UBE2L3: variants seen among roughly 807,000 people sequenced by gnomAD.
The protein encoded by UBE2L3 is ubiquitin-conjugating enzyme E2 L3.
Under a neutral mutation model 17.8 loss-of-function variants are expected in UBE2L3, and 1 was observed. That is an observed-to-expected ratio of 0.06 (90% CI 0.02 to 0.27). The LOEUF (loss-of-function observed/expected upper bound fraction) is 0.27. Among genes scored for constraint, UBE2L3 ranks in the 10% least tolerant of loss-of-function variants. UBE2L3 has a pLI of 1.00. For missense variants in UBE2L3, 40 were observed against 192.6 expected (o/e 0.21, Z 4.69); for synonymous variants, 44 against 68.5 (o/e 0.64, Z 1.76).
At chr22:21,568,170 G>C in intron 1 of UBE2L3, 1 of 1,004,078 alleles carries the variant, frequency 1.0e-6, no homozygotes, top group Non-Finnish European at 1.2e-6. Context: ...CGGAGCCCGC[G>C]CCGCGGAACC....
chr22:21,603,402 T>C (rs1049549052), intron 2 of UBE2L3, among the ~76,000 whole-genome samples: 8 of 151,692 alleles, frequency 5.3e-5, no homozygotes, highest in Non-Finnish European at 1.2e-4. Context: ...TTGTGGTGCA[T>C]GCCTGTAGTC....
At chr22:21,601,709 C>T (rs912670901) in intron 2 of UBE2L3, among the ~76,000 whole-genome samples, 3 of 151,722 alleles carry the variant, frequency 2.0e-5, no homozygotes, top group Non-Finnish European at 2.9e-5. Flanking sequence ...GGCTCACTCA[C>T]GCCTGTAATC....
chr22:21,561,729 T>TG (rs1246248841), intron 1 of UBE2L3, among the ~76,000 whole-genome samples: 1 of 152,168 alleles, frequency 6.6e-6, no homozygotes, highest in South Asian at 2.1e-4. Context: ...CTGGGCACAG[T>TG]GGGGGGTGTG....
intron 1 of UBE2L3, chr22:21,567,998 C>T (rs1010311793): frequency 5.2e-6 from 7 of 1,355,456 alleles, no homozygotes; most frequent in Middle Eastern, 2.8e-4. Context: ...GGCCCCTCAG[C>T]CCGGCCCGGG....
chr22:21,593,860 C>T (rs1015206258), intron 2 of UBE2L3, among the ~76,000 whole-genome samples: 2 of 152,156 alleles, frequency 1.3e-5, no homozygotes, highest in African/African-American at 4.8e-5. Context: ...ACTCCTTCCT[C>T]CTCACTCTTA....
chr22:21,619,477 T>C (rs1000448848), intron 3 of UBE2L3, among the ~76,000 whole-genome samples: 2 of 152,146 alleles, frequency 1.3e-5, no homozygotes, highest in Non-Finnish European at 1.5e-5. Flanking sequence ...GCATGCGCAA[T>C]GCCCTCCTCG....
chr22:21,610,066 T>G (rs1399056936), intron 2 of UBE2L3, among the ~76,000 whole-genome samples: 1 of 152,162 alleles, frequency 6.6e-6, no homozygotes, highest in African/African-American at 2.4e-5. Flanking sequence ...ACAAATTTAT[T>G]TCTCACTTAT....
chr22:21,610,868 A>C lies in UBE2L3; in HGVS notation c.135A>C (p.Pro45=). Reference sequence around the variant, plus strand: ...CTCTTTCCTTCCAGGACAACCCTCCATATGATAAGGGAGCCTTCAGAATCG... The same window carrying C: ...CTCTTTCCTTCCAGGACAACCCTCCCTATGATAAGGGAGCCTTCAGAATCG... ...WQGLIVPDNP[P]YDKGAFRIEI... is the part of the protein sequence containing the mutation. Residue 45 remains proline, a synonymous_variant, in exon 3 of 4, where the codon CCA becomes CCC. Transcript: ENST00000342192. 6.2e-7 allele frequency: 1 copy of C among 1,609,390 alleles called. No homozygotes were observed.
chr22:21,601,715 T>C (rs1601427820), intron 2 of UBE2L3, among the ~76,000 whole-genome samples: 1 of 151,462 alleles, frequency 6.6e-6, no homozygotes, highest in East Asian at 2.0e-4. Flanking sequence ...CTCACGCCTG[T>C]AATCCCAGCA....
At chr22:21,587,900 G>T (rs1279149912) in intron 1 of UBE2L3, among the ~76,000 whole-genome samples, 1 of 152,180 alleles carries the variant, frequency 6.6e-6, no homozygotes, top group East Asian at 1.9e-4. Flanking sequence ...GGCTTTTTCA[G>T]TTCCCCTCTA....
chr22:21,593,047 C>T (rs951711174), intron 2 of UBE2L3, 91 bp downstream of exon 2: 3 of 1,126,298 alleles, frequency 2.7e-6, no homozygotes, highest in South Asian at 1.3e-5. Context: ...TTAGTAGGCT[C>T]TTAGTCTAGG....
chr22:21,582,559 A>T (rs1159393252), intron 1 of UBE2L3, among the ~76,000 whole-genome samples: 25 of 150,192 alleles, frequency 1.7e-4, no homozygotes, highest in Non-Finnish European at 1.5e-5. Flanking sequence ...GAGTTTCACT[A>T]TTGTTGCCCA....
chr22:21,568,076 G>C (rs2148397086), intron 1 of UBE2L3: 1 of 1,218,112 alleles, frequency 8.2e-7, no homozygotes, highest in African/African-American at 1.6e-5. Flanking sequence ...GGTCCGATCT[G>C]AGGGCGTCGT....
chr22:21,598,092 C>T (rs1253807585), intron 2 of UBE2L3, among the ~76,000 whole-genome samples: 1 of 150,226 alleles, frequency 6.7e-6, no homozygotes, highest in African/African-American at 2.4e-5. Context: ...TATGCCCTGC[C>T]TCATTTCTTA....
chr22:21,568,400 C>T, intron 1 of UBE2L3: 1 of 985,452 alleles, frequency 1.0e-6, no homozygotes, highest in Non-Finnish European at 1.2e-6. Context: ...TCCAGGAAGG[C>T]CTGAGGTCGG....
chr22:21,602,685 C>T (rs1928929721), intron 2 of UBE2L3, among the ~76,000 whole-genome samples: 1 of 152,176 alleles, frequency 6.6e-6, no homozygotes, highest in African/African-American at 2.4e-5. Context: ...CACAAAATGG[C>T]TTTGTGCCAT....
chr22:21,608,083 A>G (rs1405809054), intron 2 of UBE2L3, among the ~76,000 whole-genome samples: 1 of 152,232 alleles, frequency 6.6e-6, no homozygotes, highest in Non-Finnish European at 1.5e-5. Flanking sequence ...ATAAGAAAAC[A>G]ACAATAAATA....
At chr22:21,559,918 G>A (rs1316746320) in intron 1 of UBE2L3, among the ~76,000 whole-genome samples, 7 of 152,402 alleles carry the variant, frequency 4.6e-5, no homozygotes, top group Non-Finnish European at 7.3e-5. Flanking sequence ...GAGAGGGACC[G>A]TGCTGCTCTT....
chr22:21,563,549 A>G (rs1926525606), upstream of UBE2L3, among the ~76,000 whole-genome samples: 1 of 145,518 alleles, frequency 6.9e-6, no homozygotes, highest in Non-Finnish European at 1.5e-5. Context: ...GCGAAGAGCG[A>G]GACTCCGTCT....
Sources: gnomAD v4.1 joint callset for allele counts (sites outside exome capture counted in the v4.1 genomes callset) on GRCh38, gnomAD v4.1.1 for gene constraint, MANE v1.5 for transcripts, NCBI Gene and HGNC (gene_info 2026-07-23, HGNC 2026-07-21) for gene names.